The following CNTNAP5 variants were observed in gnomAD, a reference collection of about 807,000 sequenced individuals.
CNTNAP5 encodes the protein contactin-associated protein-like 5.
CNTNAP5 carries 72 observed loss-of-function variants against 150.2 expected under a neutral mutation model. That is an observed-to-expected ratio of 0.48 (90% CI 0.40 to 0.58). The LOEUF is 0.58. Ranked by LOEUF, CNTNAP5 falls within the 20% of genes least tolerant of loss-of-function variation. The probability of loss-of-function intolerance (pLI) is 0.00; values close to 1 mark genes in which losing one functional copy is unlikely to be tolerated. For missense variants in CNTNAP5, 1,636 were observed against 1,626.2 expected, an observed-to-expected ratio of 1.01 and a Z score of -0.10; for synonymous variants, 672 against 619.8, an observed-to-expected ratio of 1.08 and a Z score of -1.25.
chr2:124,105,147 G>C (rs1053391090), intron 1 of CNTNAP5, among the ~76,000 whole-genome samples: 1 of 151,812 alleles, frequency 6.6e-6, no homozygotes, highest in Non-Finnish European at 1.5e-5. Flanking sequence ...AAATCTTACT[G>C]ATCTCTTCAG....
chr2:124,136,325 G>T (rs1455508209), intron 1 of CNTNAP5, among the ~76,000 whole-genome samples: 1 of 152,182 alleles, frequency 6.6e-6, no homozygotes, highest in Non-Finnish European at 1.5e-5. Flanking sequence ...ATAGAGGGGA[G>T]AAGTGAAACA....
intron 2 of CNTNAP5, among the ~76,000 whole-genome samples, chr2:124,228,144 T>G (rs2104749011): frequency 6.6e-6 from 1 of 151,976 alleles, no homozygotes; most frequent in African/African-American, 2.4e-5. Flanking sequence ...TCTGAGAAAT[T>G]AACGAACCAC....
intron 11 of CNTNAP5, among the ~76,000 whole-genome samples, chr2:124,590,795 T>C (rs1696661115): frequency 6.6e-6 from 1 of 152,148 alleles, no homozygotes; most frequent in African/African-American, 2.4e-5. Context: ...ATTTCTATAG[T>C]TTTACAATAG....
At chr2:124,570,911 A>G (rs1188765336) in intron 11 of CNTNAP5, among the ~76,000 whole-genome samples, 1 of 152,222 alleles carries the variant, frequency 6.6e-6, no homozygotes, top group Non-Finnish European at 1.5e-5. Context: ...CTGACAGCCT[A>G]GTGTCAAATG....
intron 4 of CNTNAP5, among the ~76,000 whole-genome samples, chr2:124,431,227 C>T (rs1558899059): frequency 6.6e-6 from 1 of 152,078 alleles, no homozygotes; most frequent in Non-Finnish European, 1.5e-5. Flanking sequence ...TCAGTTAAGT[C>T]ACTAGACTAG....
intron 3 of CNTNAP5, among the ~76,000 whole-genome samples, chr2:124,322,152 A>AAATAAT (rs1689116052): frequency 6.9e-6 from 1 of 144,312 alleles, no homozygotes; most frequent in Non-Finnish European, 1.5e-5. Flanking sequence ...TCCATCTCCA[A>AAATAAT]AATAATAATA....
At chr2:124,528,680 C>G (rs574644878) in intron 10 of CNTNAP5, among the ~76,000 whole-genome samples, 1 of 152,008 alleles carries the variant, frequency 6.6e-6, no homozygotes, top group African/African-American at 2.4e-5. Flanking sequence ...GTGAATAAGT[C>G]CAGAGATGTG....
At chr2:124,361,034 C>A (rs1690182570) in intron 3 of CNTNAP5, among the ~76,000 whole-genome samples, 1 of 126,110 alleles carries the variant, frequency 7.9e-6, no homozygotes, top group Non-Finnish European at 1.7e-5. Context: ...CTCTAAACTT[C>A]CCTTCTCGCT....
intron 6 of CNTNAP5, among the ~76,000 whole-genome samples, chr2:124,452,458 A>G (rs1574004264): frequency 6.6e-6 from 1 of 151,962 alleles, no homozygotes; most frequent in African/African-American, 2.4e-5. Context: ...TCTCTACCCA[A>G]CCTAGTAAAT....
chr2:124,195,707 A>C (rs981995545), intron 1 of CNTNAP5, among the ~76,000 whole-genome samples: 2 of 152,192 alleles, frequency 1.3e-5, no homozygotes, highest in African/African-American at 2.4e-5. Flanking sequence ...TGGAGGATGC[A>C]GAGGGGAATG....
At chr2:124,576,602 C>T (rs1292274220) in intron 11 of CNTNAP5, among the ~76,000 whole-genome samples, 2 of 152,074 alleles carry the variant, frequency 1.3e-5, no homozygotes, top group African/African-American at 4.8e-5. Flanking sequence ...AGAAAACAAA[C>T]CCGTTCTGTA....
chr2:124,105,168 G>A (rs6541937), intron 1 of CNTNAP5, among the ~76,000 whole-genome samples: 147,676 of 152,290 alleles, frequency 0.97, 71,759 homozygotes, highest in East Asian at 1. Flanking sequence ...ATCAGTGCAT[G>A]AAACACTTCA....
At chr2:124,394,223 T>A (rs1046730692) in intron 3 of CNTNAP5, among the ~76,000 whole-genome samples, 4 of 151,656 alleles carry the variant, frequency 2.6e-5, no homozygotes, top group African/African-American at 9.7e-5. Flanking sequence ...AATACAAAAA[T>A]TAGCTGGGCG....
intron 1 of CNTNAP5, among the ~76,000 whole-genome samples, chr2:124,211,092 T>G (rs1685998487): frequency 6.6e-6 from 1 of 152,166 alleles, no homozygotes; most frequent in Admixed American, 6.6e-5. Context: ...CTATGTTTGG[T>G]CTTGGAGCAT....
chr2:124,861,645 GGAA>G (rs138124999), intron 19 of CNTNAP5, among the ~76,000 whole-genome samples: 152 of 151,538 alleles, frequency 1.0e-3, no homozygotes, highest in African/African-American at 3.4e-3. Context: ...CTGAATACGG[GGAA>G]GAAGAAGAAG....
At chr2:124,350,319 A>G (rs1689846551) in intron 3 of CNTNAP5, among the ~76,000 whole-genome samples, 1 of 152,192 alleles carries the variant, frequency 6.6e-6, no homozygotes, top group Middle Eastern at 3.2e-3. Context: ...GCTTAGTGTT[A>G]TTAGGAAAAT....
intron 1 of CNTNAP5, among the ~76,000 whole-genome samples, chr2:124,216,000 G>C (rs1292638195): frequency 2.6e-5 from 4 of 152,034 alleles, no homozygotes; most frequent in Non-Finnish European, 5.9e-5. Flanking sequence ...GGGCAGTCCT[G>C]TCATCTCCCT....
rs749216194 is a variant in CNTNAP5, at chr2:124,504,473, G to A, written c.1244G>A (p.Gly415Glu). 1.2e-6 allele frequency: 2 copies of A among 1,613,836 alleles called. No homozygotes were observed. The highest frequency in any genetic ancestry group is 4.5e-5 in the East Asian group (2 of 44,830). ...TCCACAGAGCTGTCTGAGGGCTCGG[G>A]AACCCTGCTGCTGAGCCTGGAGGGT... ...LLSTELSEGS[G>E]TLLLSLEGGI... The change falls in exon 8 of 24, where the codon GGA becomes GAA. Residue 415 changes from glycine to glutamate, a missense_variant. By Grantham distance (98) the Gly-to-Glu change is moderately conservative (BLOSUM62 -2). Coordinates refer to ENST00000682447, the MANE Select transcript of CNTNAP5 (RefSeq NM_001367498.1).
chr2:124,333,400 T>C (rs992544868), intron 3 of CNTNAP5, among the ~76,000 whole-genome samples: 4 of 152,192 alleles, frequency 2.6e-5, no homozygotes, highest in Non-Finnish European at 4.4e-5. Context: ...AAAGCCCTTA[T>C]TGAATTTTAG....
Sources: gnomAD v4.1 joint callset for allele counts (sites outside exome capture counted in the v4.1 genomes callset) on GRCh38, gnomAD v4.1.1 for gene constraint, MANE v1.5 for transcripts, NCBI Gene and HGNC (gene_info 2026-07-23, HGNC 2026-07-21) for gene names.